NCOR2: variants seen among roughly 807,000 people sequenced by gnomAD.
NCOR2 encodes CTG repeat protein 26.
A neutral mutation model predicts 262.9 loss-of-function variants in NCOR2; 81 were observed. The observed-to-expected ratio is 0.31, with a 90% CI of 0.26 to 0.37. The LOEUF (loss-of-function observed/expected upper bound fraction) is 0.37, where lower values mean the gene tolerates loss of function less well. Ranked by LOEUF, NCOR2 falls within the 10% of genes least tolerant of loss-of-function variation. The pLI, the probability that NCOR2 is intolerant of heterozygous loss-of-function variation, is 1.00. For missense variants in NCOR2, 3,385 were observed against 3,621.4 expected (o/e 0.93, Z 1.68); for synonymous variants, 1,659 against 1,559.3 (o/e 1.06, Z -1.51).
At chr12:124,497,998 AC>A (rs1459204713), upstream of NCOR2, among the ~76,000 whole-genome samples, 5 of 151,920 alleles carry the variant, frequency 3.3e-5, no homozygotes, top group South Asian at 4.2e-4. This position sits in a 1 kb window ranked among gnomAD's most constrained non-coding sequence, Gnocchi z 4.2. Flanking sequence ...AAGTCTGCAG[AC>A]CCTGGTCATC....
intron 38 of NCOR2, 45 bp downstream of exon 40, chr12:124,336,708 T>C (rs779665181): frequency 1.1e-5 from 17 of 1,601,852 alleles, no homozygotes; most frequent in Admixed American, 8.6e-5. Context: ...ATTTGACGCA[T>C]GATAATCGCG....
chr12:124,363,854 TG>T (rs1049455018), intron 20 of NCOR2, 55 bp from the exon 23 acceptor site: 28 of 1,279,356 alleles, frequency 2.2e-5, no homozygotes, highest in Middle Eastern at 2.5e-4. Context: ...TCTCCCAGGG[TG>T]GGGGGGCTGC....
At chr12:124,410,807 A>G (rs1052490876) in intron 13 of NCOR2, among the ~76,000 whole-genome samples, 4 of 152,174 alleles carry the variant, frequency 2.6e-5, no homozygotes, top group African/African-American at 9.7e-5. Context: ...CTGCCCTGGA[A>G]CAGCCTTCCC....
At chr12:124,426,430 C>T (rs1334140164) in intron 11 of NCOR2, among the ~76,000 whole-genome samples, 192 bp downstream of exon 13, 1 of 152,168 alleles carries the variant, frequency 6.6e-6, no homozygotes, top group African/African-American at 2.4e-5. Flanking sequence ...CCCTTACGGC[C>T]CCCAGAAAGA....
chr12:124,476,754 A>C (rs894140634), intron 3 of NCOR2, among the ~76,000 whole-genome samples: 35 of 152,346 alleles, frequency 2.3e-4, no homozygotes, highest in African/African-American at 7.5e-4. Flanking sequence ...TTGCACAAGT[A>C]AGTCCATCAC....
chr12:124,371,061 C>T (rs2039464113), intron 20 of NCOR2, among the ~76,000 whole-genome samples: 1 of 152,216 alleles, frequency 6.6e-6, no homozygotes, highest in South Asian at 2.1e-4. Context: ...CTGTGCCTCT[C>T]ACTCCCAGCA....
rs1366247617 is a variant in NCOR2, at chr12:124,504,832, C to T, written c.-117-9464G>A. Among the ~76,000 whole-genome samples, 1 of 152,150 alleles carries T rather than the reference C, an allele frequency of 6.6e-6. No individual in the cohort carries two copies. Among genetic ancestry groups the T allele is most frequent in the Non-Finnish European group, 1.5e-5 (1 of 68,032 alleles). On this transcript the variant is annotated intron_variant, in intron 1 of 46. Coordinates refer to the NCOR2 transcript ENST00000404621. The surrounding 1 kb of genome is among the most constrained non-coding windows in gnomAD (Gnocchi z 4.5). Reference sequence around the variant, plus strand: ...TAACTTCACAGGAGGGGCAGATTCCCAGGACAGAACAAAGGCCCGAGGCTG... The same window carrying T: ...TAACTTCACAGGAGGGGCAGATTCCTAGGACAGAACAAAGGCCCGAGGCTG...
At chr12:124,356,688 G>T in exon 23 of NCOR2, 1 of 1,476,134 alleles carries the variant, frequency 6.8e-7, no homozygotes, top group Non-Finnish European at 8.9e-7. Context: ...CATGCGGGGA[G>T]GCCTTGATCA....
At chr12:124,519,554 C>T (rs912433117) in intron 1 of NCOR2, among the ~76,000 whole-genome samples, 3 of 152,022 alleles carry the variant, frequency 2.0e-5, no homozygotes, top group Admixed American at 6.6e-5. Context: ...GTGGCCGGGG[C>T]GCAGGGGCGA....
intron 1 of NCOR2, among the ~76,000 whole-genome samples, chr12:124,506,436 C>A (rs1420393050): frequency 2.6e-5 from 4 of 152,210 alleles, no homozygotes; most frequent in Non-Finnish European, 5.9e-5. Flanking sequence ...GGCCCTGCTC[C>A]CCCGCCACGG....
At chr12:124,526,226 A>G (rs749957383) in intron 1 of NCOR2, among the ~76,000 whole-genome samples, 1 of 151,580 alleles carries the variant, frequency 6.6e-6, no homozygotes, top group African/African-American at 2.4e-5. Context: ...TCTTTCCTCA[A>G]CTCCTCTCTC....
intron 16 of NCOR2, among the ~76,000 whole-genome samples, chr12:124,388,453 G>T (rs918406142): frequency 2.0e-5 from 3 of 152,148 alleles, no homozygotes; most frequent in African/African-American, 7.2e-5. Flanking sequence ...CAGCATCACA[G>T]ACCTTCCCAG....
intron 14 of NCOR2, among the ~76,000 whole-genome samples, chr12:124,401,924 C>T (rs1445439743): frequency 6.6e-6 from 1 of 152,172 alleles, no homozygotes; most frequent in Non-Finnish European, 1.5e-5. Flanking sequence ...TCACGGCCCC[C>T]GCGGTGAGGC....
At chr12:124,529,482 T>A (rs1384928782) in intron 1 of NCOR2, among the ~76,000 whole-genome samples, 2 of 151,510 alleles carry the variant, frequency 1.3e-5, no homozygotes, top group Non-Finnish European at 2.9e-5. Context: ...TCAAAAAAAA[T>A]AAAAAATAAA....
Position 124,372,227 on chromosome 12 carries a change from C to G in NCOR2, c.2602G>C (p.Glu868Gln), listed in dbSNP as rs747835155. 6.2e-7 allele frequency: 1 copy of G among 1,601,102 alleles called. No homozygotes were observed. The highest frequency in any genetic ancestry group is 1.7e-5 in the Admixed American group (1 of 59,674). The change falls in exon 20 of 47, where the codon GAG becomes CAG. Residue 868 changes from glutamate to glutamine, a missense_variant. This residue lies in a region of NCOR2 where 1,615 missense variants were observed against 1,626.9 expected (regional missense o/e 0.99). Transcript: ENST00000405201. ...TTGGCCGGCCCCTCCTCGGCTTCCT[C>G]CGTGCACTCGCTCTTGACGGGCTCC...
intron 4 of NCOR2, among the ~76,000 whole-genome samples, chr12:124,470,626 T>C (rs899837020): frequency 4.6e-5 from 7 of 152,212 alleles, no homozygotes; most frequent in African/African-American, 1.7e-4. Flanking sequence ...AGGAAATGTC[T>C]AGAACAGGTC....
At chr12:124,354,528 G>A in exon 26 of NCOR2, 1 of 1,595,674 alleles carries the variant, frequency 6.3e-7, no homozygotes, top group Admixed American at 1.7e-5. Context: ...GCTCTCCGGT[G>A]GCCCAGCCTG....
exon 45 of NCOR2, chr12:124,327,536 G>C: frequency 6.2e-7 from 1 of 1,613,914 alleles, no homozygotes. Flanking sequence ...CTTCCCACTG[G>C]TCATATTTAC....
chr12:124,406,719 A>G (rs1047518529), intron 13 of NCOR2, among the ~76,000 whole-genome samples: 1 of 152,132 alleles, frequency 6.6e-6, no homozygotes, highest in African/African-American at 2.4e-5. Flanking sequence ...GACAAACCCT[A>G]CTGGATCTAT....
Sources: gnomAD v4.1 joint callset for allele counts (sites outside exome capture counted in the v4.1 genomes callset) on GRCh38, gnomAD v4.1.1 for gene constraint, gnomAD v4.1.1 regional missense constraint, Gnocchi (gnomAD v3.1) non-coding constraint, MANE v1.5 for transcripts, NCBI Gene and HGNC (gene_info 2026-07-23, HGNC 2026-07-21) for gene names.